FUT8: variants seen among roughly 807,000 people sequenced by gnomAD.
FUT8 encodes alpha-(1,6)-fucosyltransferase.
Under a neutral mutation model 71.3 loss-of-function variants are expected in FUT8, and 29 were observed. The observed-to-expected ratio is 0.41, with a 90% CI of 0.30 to 0.55. FUT8 has a LOEUF of 0.55. FUT8 is among the 20% of genes least tolerant of loss of function. FUT8 has a pLI of 0.34. For missense variants in FUT8, 544 were observed against 702.1 expected (o/e 0.77, Z 2.55); for synonymous variants, 254 against 239.3 (o/e 1.06, Z -0.57).
intron 1 of FUT8, among the ~76,000 whole-genome samples, chr14:65,419,152 C>T (rs976161720): frequency 4.6e-5 from 7 of 151,724 alleles, no homozygotes; most frequent in Non-Finnish European, 7.4e-5. Context: ...CACTTGAACC[C>T]GGGAGGCTGA....
At chr14:65,730,389 TC>T (rs1895914787) in intron 9 of FUT8, among the ~76,000 whole-genome samples, 1 of 152,156 alleles carries the variant, frequency 6.6e-6, no homozygotes, top group Admixed American at 6.5e-5. Context: ...TAAGATTGAG[TC>T]CGACCGGACG....
chr14:65,395,209 C>T, the FUT8 span, among the ~76,000 whole-genome samples: 2 of 152,230 alleles, frequency 1.3e-5, no homozygotes, highest in Admixed American at 1.3e-4. Flanking sequence ...TATTGAGTGT[C>T]TGTGGCTTTT....
At chr14:65,712,801 A>T (rs1196920382) in intron 7 of FUT8, among the ~76,000 whole-genome samples, 1 of 152,146 alleles carries the variant, frequency 6.6e-6, no homozygotes, top group Non-Finnish European at 1.5e-5. Flanking sequence ...CATAGTAGGT[A>T]TATATATGAG....
intron 10 of FUT8, among the ~76,000 whole-genome samples, chr14:65,738,506 A>G (rs1373903515): frequency 1.3e-5 from 2 of 152,094 alleles, no homozygotes; most frequent in East Asian, 1.9e-4. Context: ...ACGATGTACT[A>G]AAAATGATAC....
chr14:65,429,908 G>A (rs2065445979), intron 1 of FUT8, among the ~76,000 whole-genome samples: 1 of 144,342 alleles, frequency 6.9e-6, no homozygotes, highest in Non-Finnish European at 1.5e-5. Context: ...AGACTTTAAA[G>A]CAGCTACAAA....
At chr14:65,700,399 T>G (rs1894226717) in intron 7 of FUT8, among the ~76,000 whole-genome samples, 2 of 132,106 alleles carry the variant, frequency 1.5e-5, no homozygotes, top group African/African-American at 2.8e-5. Context: ...TTTTTTTTTT[T>G]TTTTTTTTTG....
chr14:65,501,921 T>C (rs1011946770), intron 2 of FUT8, among the ~76,000 whole-genome samples: 2 of 151,896 alleles, frequency 1.3e-5, no homozygotes, highest in African/African-American at 4.8e-5. Flanking sequence ...TCTTTCTTTT[T>C]TTTTTTTGAG....
intron 6 of FUT8, among the ~76,000 whole-genome samples, chr14:65,657,174 C>T (rs1178300651): frequency 6.6e-6 from 1 of 152,106 alleles, no homozygotes; most frequent in Admixed American, 6.6e-5. Context: ...AGTTAAAAAC[C>T]TTCTGCCTGC....
Position 65,742,428 on chromosome 14 carries a change from T to A in FUT8, c.*18T>A, listed in dbSNP as rs1295833855. 3 of 1,601,808 alleles carry A rather than the reference T, an allele frequency of 1.9e-6. No homozygotes were observed. The highest frequency in any genetic ancestry group is 2.6e-6 in the Non-Finnish European group (3 of 1,172,568). ...AGAAATAAAGCTCAGATGGAAGAGATAAACGACCAAACTCAGTTCGACCAA... is the reference window on the plus strand; with the variant it reads ...AGAAATAAAGCTCAGATGGAAGAGAAAAACGACCAAACTCAGTTCGACCAA... On this transcript the variant is annotated 3_prime_UTR_variant, in exon 11 of 11. Transcript: ENST00000673929.
At chr14:65,677,151 T>TGTGTGCGTGTGCGC in intron 7 of FUT8, among the ~76,000 whole-genome samples, 1 of 110,744 alleles carries the variant, frequency 9.0e-6, no homozygotes, top group East Asian at 2.5e-4. Context: ...TGTGTGTGTG[T>TGTGTGCGTGTGCGC]GCGCGCGCGC....
intron 1 of FUT8, among the ~76,000 whole-genome samples, chr14:65,435,269 A>AT (rs540143986): frequency 9.2e-5 from 14 of 151,918 alleles, no homozygotes; most frequent in Middle Eastern, 3.4e-3. Flanking sequence ...TTTTTGTTGT[A>AT]TTTTTTTTAC....
chr14:65,674,199 G>A (rs1452833947), intron 7 of FUT8, among the ~76,000 whole-genome samples: 1 of 152,072 alleles, frequency 6.6e-6, no homozygotes, highest in Non-Finnish European at 1.5e-5. Context: ...TGTATTAATA[G>A]AAACTTAAAA....
At chr14:65,411,424 G>A (rs1423065470), upstream of FUT8, 2 of 153,062 alleles carry the variant, frequency 1.3e-5, no homozygotes, top group African/African-American at 4.8e-5. Flanking sequence ...TGAGCTGCTT[G>A]AGGACAAGGG....
chr14:65,580,733 C>CT (rs754369237), intron 3 of FUT8, among the ~76,000 whole-genome samples: 2 of 152,048 alleles, frequency 1.3e-5, no homozygotes, highest in African/African-American at 2.4e-5. Flanking sequence ...AGTTCATACT[C>CT]TGTCTTTTTA....
At chr14:65,554,311 A>T (rs898511091) in intron 2 of FUT8, among the ~76,000 whole-genome samples, 3 of 151,078 alleles carry the variant, frequency 2.0e-5, no homozygotes. Flanking sequence ...ATCAATTACA[A>T]TTATTCTCTT....
intron 6 of FUT8, among the ~76,000 whole-genome samples, chr14:65,648,843 T>C (rs1449395611): frequency 6.6e-6 from 1 of 152,192 alleles, no homozygotes; most frequent in African/African-American, 2.4e-5. Flanking sequence ...GTTCTGATGG[T>C]ATATTGGAGC....
chr14:65,665,148 G>A (rs969265017), intron 6 of FUT8, among the ~76,000 whole-genome samples: 15 of 152,060 alleles, frequency 9.9e-5, no homozygotes, highest in Admixed American at 3.3e-4. Flanking sequence ...CTGATATTTT[G>A]TAATTGTTGA....
At chr14:65,734,940 A>AC (rs756446268) in intron 10 of FUT8, among the ~76,000 whole-genome samples, 1 of 152,052 alleles carries the variant, frequency 6.6e-6, no homozygotes, top group Non-Finnish European at 1.5e-5. Flanking sequence ...GGCCAGTAAG[A>AC]CCCTCACTTA....
At chr14:65,718,490 C>T (rs1895241329) in intron 7 of FUT8, among the ~76,000 whole-genome samples, 1 of 152,084 alleles carries the variant, frequency 6.6e-6, no homozygotes, top group South Asian at 2.1e-4. Flanking sequence ...CTTAAGATAT[C>T]AATAGGTTAC....
Sources: allele counts gnomAD v4.1 joint callset (sites outside exome capture counted in the v4.1 genomes callset), GRCh38; gene constraint gnomAD v4.1.1; transcripts MANE v1.5; gene names NCBI Gene and HGNC (gene_info 2026-07-23, HGNC 2026-07-21).